RPH3AL: variants seen among roughly 807,000 people sequenced by gnomAD.
RPH3AL encodes rab effector Noc2.
In RPH3AL, 38 loss-of-function variants were observed where a neutral mutation model predicts 43.1. The observed-to-expected ratio is 0.88, with a 90% confidence interval of 0.68 to 1.15. The LOEUF (loss-of-function observed/expected upper bound fraction) is 1.15, where lower values mean the gene tolerates loss of function less well. RPH3AL is among the 50% of genes most tolerant of loss of function. The pLI, the probability that RPH3AL is intolerant of heterozygous loss-of-function variation, is 0.00. For missense variants in RPH3AL, 462 were observed against 423.2 expected, an observed-to-expected ratio of 1.09 and a Z score of -0.81; for synonymous variants, 189 against 176.3, an observed-to-expected ratio of 1.07 and a Z score of -0.57.
chr17:216,656 C>G (rs1024789781), intron 8 of RPH3AL, among the ~76,000 whole-genome samples: 2 of 152,062 alleles, frequency 1.3e-5, no homozygotes, highest in African/African-American at 4.8e-5. Context: ...AGGTAAGTTT[C>G]CTTTATACTC....
chr17:316,499 G>T (rs1312820175), intron 5 of RPH3AL, among the ~76,000 whole-genome samples: 9,710 of 141,248 alleles, frequency 0.069, 442 homozygotes, highest in African/African-American at 0.2. Context: ...CTGACCTGTA[G>T]TCTCTGTGCT....
At chr17:300,119 C>T (rs9912153) in intron 5 of RPH3AL, among the ~76,000 whole-genome samples, 537 of 26,672 alleles carry the variant, frequency 0.02, 13 homozygotes, top group East Asian at 0.044. Context: ...CAGAATCTCT[C>T]ACCCGCTCTA....
In RPH3AL at chr17:225,673, G is replaced by A. The variant is rs1022258868; in HGVS notation, c.614-5937C>T. 4.6e-5 allele frequency among the ~76,000 whole-genome samples: 7 copies of A among 152,190 alleles called. No homozygotes were observed. Among genetic ancestry groups the A allele is most frequent in the African/African-American group, 1.7e-4 (7 of 41,448 alleles). On this transcript the variant is annotated intron_variant, in intron 7 of 9. Coordinates refer to ENST00000331302, the MANE Select transcript of RPH3AL (RefSeq NM_006987.4). The surrounding 1 kb of genome is among the most constrained non-coding windows in gnomAD (Gnocchi z 4.4). ...GTGGCTCGTCTGCACACCGGTTTCC[G>A]CCTCTCTCTGGCAGAGATGCTTATG...
chr17:315,619 C>G, intron 5 of RPH3AL, among the ~76,000 whole-genome samples: 1 of 139,120 alleles, frequency 7.2e-6, no homozygotes, highest in Non-Finnish European at 1.5e-5. Flanking sequence ...ACTCTAGTCC[C>G]TGTACTCCAC....
intron 5 of RPH3AL, among the ~76,000 whole-genome samples, chr17:295,806 G>A (rs2043163298): frequency 8.4e-6 from 1 of 118,850 alleles, no homozygotes; most frequent in Admixed American, 7.9e-5. Flanking sequence ...CAGAGGGAAT[G>A]CACATCAGTG....
chr17:323,110 A>G lies in RPH3AL; in HGVS notation c.78-1695T>C, dbSNP rs1333465020. Reference sequence around the variant, plus strand: ...GAGGGCTGTCAGGCATGGCTTTACCATGTGTGAGCTTTTGCAGGATGAACA... The same window carrying G: ...GAGGGCTGTCAGGCATGGCTTTACCGTGTGTGAGCTTTTGCAGGATGAACA... On this transcript the variant is annotated intron_variant, in intron 3 of 9. Coordinates refer to ENST00000331302, the MANE Select transcript of RPH3AL (RefSeq NM_006987.4). This position sits in a 1 kb window ranked among gnomAD's most constrained non-coding sequence, Gnocchi z 4.4. 1.3e-5 allele frequency among the ~76,000 whole-genome samples: 2 copies of G among 152,086 alleles called. No individual in the cohort carries two copies. Among genetic ancestry groups the G allele is most frequent in the African/African-American group, 4.8e-5 (2 of 41,426 alleles).
intron 7 of RPH3AL, among the ~76,000 whole-genome samples, chr17:243,481 T>C (rs1291893650): frequency 4.8e-5 from 7 of 145,866 alleles, no homozygotes; most frequent in African/African-American, 1.8e-4. Context: ...ACTACCTTCC[T>C]CTATTGACTA....
intron 2 of RPH3AL, chr17:331,636 T>G (rs948989923): frequency 7.8e-7 from 1 of 1,288,238 alleles, no homozygotes. Context: ...TCTCCAAACC[T>G]CGTCAGCATG....
Position 266,203 on chromosome 17 carries a change from G to GGTGTAT in RPH3AL, c.438+15564_438+15565insATACAC, listed in dbSNP as rs113860375. 2.3e-3 allele frequency among the ~76,000 whole-genome samples: 335 copies of GGTGTAT among 148,706 alleles called. 1 individual carries two copies. Among genetic ancestry groups the GGTGTAT allele is most frequent in the African/African-American group, 7.7e-3 (312 of 40,356 alleles). On this transcript the variant is annotated intron_variant, in intron 6 of 9. Coordinates refer to ENST00000331302, the MANE Select transcript of RPH3AL (RefSeq NM_006987.4). ...AAAGATGACACTTTAAGGCCCCAGT[G>GGTGTAT]GTGTGTGTGTGTGTGTGTGTGTGTG...
At chr17:247,949 C>G (rs1567583039) in intron 6 of RPH3AL, among the ~76,000 whole-genome samples, 1 of 152,112 alleles carries the variant, frequency 6.6e-6, no homozygotes, top group Non-Finnish European at 1.5e-5. Context: ...CTCTCGCTGG[C>G]CCAAGGCAGA....
chr17:252,393 A>G (rs2041927074), intron 6 of RPH3AL, among the ~76,000 whole-genome samples: 1 of 152,198 alleles, frequency 6.6e-6, no homozygotes, highest in Non-Finnish European at 1.5e-5. Context: ...CCTGCTGACC[A>G]TGGCGGTGTG....
chr17:306,786 C>A (rs57300640), intron 5 of RPH3AL: 4,803 of 154,538 alleles, frequency 0.031, 281 homozygotes, highest in African/African-American at 0.11. Context: ...TCCTTCCCTC[C>A]CTCCCCACCT....
At position 322,777 on chromosome 17, in the gene RPH3AL, GTT is replaced by G. The variant is rs2044515894; in HGVS notation, c.78-1364_78-1363del. On this transcript the variant is annotated intron_variant, in intron 3 of 9. Coordinates refer to ENST00000331302, the MANE Select transcript of RPH3AL (RefSeq NM_006987.4). This position sits in a 1 kb window ranked among gnomAD's most constrained non-coding sequence, Gnocchi z 4.0. ...CTGGTCCCGGCTGTTGCAGCTAACG[GTT>G]CTCTGTGGCCGACACAATAGGAGTT... 3.3e-5 allele frequency among the ~76,000 whole-genome samples: 5 copies of G among 152,092 alleles called. No homozygotes were observed. The highest frequency in any genetic ancestry group is 7.4e-5 in the Non-Finnish European group (5 of 68,026).
At chr17:229,747 C>T (rs1479745207) in intron 7 of RPH3AL, among the ~76,000 whole-genome samples, 1 of 152,028 alleles carries the variant, frequency 6.6e-6, no homozygotes, top group Non-Finnish European at 1.5e-5. Flanking sequence ...CTCTTCCAAA[C>T]CCACCTCCGG....
intron 1 of RPH3AL, among the ~76,000 whole-genome samples, chr17:351,429 T>G (rs1331233861): frequency 1.3e-5 from 2 of 152,040 alleles, no homozygotes; most frequent in African/African-American, 4.8e-5. Context: ...ACACCTACCC[T>G]CTGTTCCCTA....
At chr17:261,711 T>A (rs1279984495) in intron 6 of RPH3AL, 1 of 152,202 alleles carries the variant, frequency 6.6e-6, no homozygotes, top group African/African-American at 2.4e-5. Context: ...CAGATGTTTT[T>A]AAACTCATAA....
intron 6 of RPH3AL, among the ~76,000 whole-genome samples, chr17:249,828 G>A (rs1336545600): frequency 6.9e-6 from 1 of 145,262 alleles, no homozygotes; most frequent in East Asian, 2.1e-4. Flanking sequence ...CATCACTGCG[G>A]GACCTCTCGG....
At chr17:248,795 T>C (rs770132217) in intron 6 of RPH3AL, among the ~76,000 whole-genome samples, 1 of 152,222 alleles carries the variant, frequency 6.6e-6, no homozygotes, top group Non-Finnish European at 1.5e-5. Flanking sequence ...AGTTTCTTTA[T>C]TGATTAAATT....
At chr17:258,561 C>T (rs1490711971) in intron 6 of RPH3AL, among the ~76,000 whole-genome samples, 4 of 152,266 alleles carry the variant, frequency 2.6e-5, no homozygotes, top group African/African-American at 9.6e-5. Context: ...TCCCCAGCTG[C>T]CCTGCCTCCC....
Sources: gnomAD v4.1 joint callset for allele counts (sites outside exome capture counted in the v4.1 genomes callset) on GRCh38, gnomAD v4.1.1 for gene constraint, Gnocchi (gnomAD v3.1) non-coding constraint, MANE v1.5 for transcripts, NCBI Gene and HGNC (gene_info 2026-07-23, HGNC 2026-07-21) for gene names.